LRRC15: variants seen among roughly 807,000 people sequenced by gnomAD.
LRRC15 encodes leucine rich repeat containing 15, also known as leucine-rich repeat-containing protein 15.
In LRRC15, 5 loss-of-function variants were observed where a neutral mutation model predicts 4.3. The observed-to-expected ratio is 1.16, with a 90% CI of 0.61 to 2.44. LRRC15 has a LOEUF of 2.44. LRRC15 is among the 30% of genes most tolerant of loss of function. The probability of loss-of-function intolerance (pLI) is 0.01; values close to 1 mark genes in which losing one functional copy is unlikely to be tolerated. For missense variants in LRRC15, 769 were observed against 747.0 expected (o/e 1.03, Z -0.34); for synonymous variants, 337 against 323.2 (o/e 1.04, Z -0.46).
In LRRC15 at chr3:194,360,498, C is replaced by T; in HGVS notation, c.546G>A (p.Lys182=). ...TGGGTGAGATGTGGGTGAGGCTATT[C>T]TTGCCCAGATTGAGCTTCGTGAGTC... is the stretch of plus-strand genomic sequence containing the variant. ...LVGLTKLNLG[K]NSLTHISPRV... The change falls in exon 2 of 2, where the codon AAG becomes AAA. Residue 182 remains lysine (K), a synonymous_variant. Coordinates refer to ENST00000347624, the MANE Select transcript of LRRC15 (RefSeq NM_130830.5). 2 of 1,614,146 alleles carry T rather than the reference C, an allele frequency of 1.2e-6. No individual in the cohort carries two copies. The highest frequency in any genetic ancestry group is 1.1e-5 in the South Asian group (1 of 91,076).
In LRRC15 at chr3:194,358,354, G is replaced by C. The variant is rs754560258; in HGVS notation, c.*944C>G. 2.0e-5 allele frequency: 3 copies of C among 152,194 alleles called. No individual in the cohort carries two copies. Among genetic ancestry groups the C allele is most frequent in the Non-Finnish European group, 4.4e-5 (3 of 68,058 alleles). The allele number at this position is 152,194 out of a possible 1,614,324, so 9.4% of individuals were successfully genotyped here. On this transcript the variant is annotated 3_prime_UTR_variant, in exon 2 of 2. Coordinates refer to ENST00000347624, the MANE Select transcript of LRRC15 (RefSeq NM_130830.5). ...CTATCATGTTCCCACTTTTCTGCAC[G>C]TACACTTCACATGCTTCAATTAAAA...
At chr3:194,365,466 T>C (rs1251284174) in intron 1 of LRRC15, among the ~76,000 whole-genome samples, 1 of 152,178 alleles carries the variant, frequency 6.6e-6, no homozygotes, top group Non-Finnish European at 1.5e-5. Flanking sequence ...AGACTCCTCC[T>C]TATTTTAATG....
intron 1 of LRRC15, chr3:194,363,246 T>G: frequency 1.8e-6 from 1 of 563,132 alleles, no homozygotes; most frequent in Admixed American, 3.2e-5. Flanking sequence ...GCCAAGACCT[T>G]GATTTTTTTA....
Position 194,360,303 on chromosome 3 carries a change from G to A in LRRC15, c.741C>T (p.Leu247=), listed in dbSNP as rs1298715915. 6.2e-7 allele frequency: 1 copy of A among 1,614,150 alleles called. No homozygotes were observed. Among genetic ancestry groups the A allele is most frequent in the East Asian group, 2.2e-5 (1 of 44,878 alleles). Residue 247 remains leucine (L), a synonymous_variant, in exon 2 of 2, where the codon CTC becomes CTT. Transcript: ENST00000347624. The part of the protein sequence containing the change: ...SPGLFHNNHN[L]QRLYLSNNHI... ...GGTTGTTGGACAGGTAGAGTCTCTG[G>A]AGGTTGTGGTTGTTGTGGAAGAGAC... is the stretch of plus-strand genomic sequence containing the variant.
chr3:194,359,561 T>G lies in LRRC15; in HGVS notation c.1483A>C (p.Ser495Arg). Residue 495 changes from serine (S) to arginine (R), a missense_variant, in exon 2 of 2, where the codon AGT (serine) becomes CGT (arginine). By Grantham distance (110) the Ser-to-Arg change is moderately radical. Coordinates refer to ENST00000347624, the MANE Select transcript of LRRC15 (RefSeq NM_130830.5). ...PETPWYPDTP[S>R]YPDTTSVSST... is the part of the protein sequence containing the mutation. The stretch of plus-strand genomic sequence containing the variant: ...GAGACGGATGTGGTGTCAGGGTAAC[T>G]GGGTGTGTCTGGGTACCATGGTGTT... The G allele has an allele frequency of 6.2e-7, 1 of 1,614,050 alleles. No individual in the cohort carries two copies. Among genetic ancestry groups the G allele is most frequent in the Non-Finnish European group, 8.5e-7 (1 of 1,179,970 alleles).
Position 194,360,021 on chromosome 3 carries a change from C to T in LRRC15, c.1023G>A (p.Thr341=), listed in dbSNP as rs761107806. 2.5e-5 allele frequency: 40 copies of T among 1,614,064 alleles called. No individual in the cohort carries two copies. The highest frequency in any genetic ancestry group is 2.7e-5 in the Non-Finnish European group (32 of 1,180,052). Residue 341 remains threonine (T), a synonymous_variant, in exon 2 of 2, where the codon ACG becomes ACA. Transcript: ENST00000347624. ...FISPGAFNGL[T]ELRELSLHTN... Reference sequence around the variant, plus strand: ...TGTGGAGGGACAGCTCCCGAAGCTCCGTTAGCCCGTTGAAGGCACCCGGGG... The same window carrying T: ...TGTGGAGGGACAGCTCCCGAAGCTCTGTTAGCCCGTTGAAGGCACCCGGGG...
rs764976893 is a variant in LRRC15, at chr3:194,360,441, G to A, written c.603C>T (p.Val201=). 3 of 1,614,204 alleles carry A rather than the reference G, an allele frequency of 1.9e-6. No homozygotes were observed. The highest frequency in any genetic ancestry group is 2.5e-6 in the Non-Finnish European group (3 of 1,180,030). Residue 201 remains valine, a synonymous_variant, in exon 2 of 2, where the codon GTC becomes GTT. Transcript: ENST00000347624. ...RVFQHLGNLQ[V]LRLYENRLTD... ...TGAGCCTGTTCTCATACAGCCGGAG[G>A]ACCTGGAGGTTGCCCAGGTGCTGGA...
rs1027069541 is a variant in LRRC15 at position 194,363,410 on chromosome 3, C to G, written c.-3-2364G>C. ...ATGGGGCCAGGTTATGCTAGGGACA[C>G]ATCTGAAAAAAAGTAAAAACTTATA... On this transcript the variant is annotated intron_variant, in intron 1 of 1. Coordinates refer to ENST00000347624, the MANE Select transcript of LRRC15 (RefSeq NM_130830.5). 12 of 692,832 alleles carry G rather than the reference C, an allele frequency of 1.7e-5. No homozygotes were observed. In the African/African-American group the frequency reaches 2.0e-4, roughly 12 times the overall value. 42.9% of individuals were successfully genotyped at this position (692,832 alleles called of 1,614,324 possible). A position where few individuals can be genotyped will look rare whatever the true frequency, so the allele number is the denominator to read the frequency against.
rs552815580 is a variant in LRRC15 at position 194,359,959 on chromosome 3, C to A, written c.1085G>T (p.Arg362Leu). 2 of 1,614,028 alleles carry A rather than the reference C, an allele frequency of 1.2e-6. No homozygotes were observed. The highest frequency in any genetic ancestry group is 1.7e-6 in the Non-Finnish European group (2 of 1,180,032). Residue 362 changes from arginine to leucine, a missense_variant, in exon 2 of 2, where the codon CGC (arginine) becomes CTC (leucine). Arg to Leu is a moderately radical substitution (Grantham distance 102). Transcript: ENST00000347624. ...GATGTTCTGCAGGTTGGCCAACATG[C>A]GGAAGACGTTCCCGTCCAGGTCCTG... ...ALQDLDGNVF[R>L]MLANLQNISL...
chr3:194,360,362 G>A lies in LRRC15; in HGVS notation c.682C>T (p.Leu228=), dbSNP rs763975998. 8 of 1,614,066 alleles carry A rather than the reference G, an allele frequency of 5.0e-6. No homozygotes were observed. Among genetic ancestry groups the A allele is most frequent in the Non-Finnish European group, 6.8e-6 (8 of 1,180,044 alleles). Residue 228 remains leucine, a synonymous_variant, in exon 2 of 2, where the codon CTG becomes TTG. Coordinates refer to ENST00000347624, the MANE Select transcript of LRRC15 (RefSeq NM_130830.5). ...AGCAGTCCAATCTGGTTCTGCTGCA[G>A]AGCCAGTTCCTGCAGGTTAACAAGC... The part of the protein sequence containing the change: ...DGLVNLQELA[L]QQNQIGLLSP...
At chr3:194,369,191 T>C (rs1423660311) in intron 1 of LRRC15, among the ~76,000 whole-genome samples, 2 of 152,214 alleles carry the variant, frequency 1.3e-5, no homozygotes, top group Non-Finnish European at 2.9e-5. Context: ...CAGAACCAAA[T>C]GCGGGGCAGA....
intron 1 of LRRC15, among the ~76,000 whole-genome samples, chr3:194,368,159 C>T (rs1713833671): frequency 6.6e-6 from 1 of 152,200 alleles, no homozygotes; most frequent in African/African-American, 2.4e-5. Flanking sequence ...CCAAGACAGG[C>T]CATAAATCTG....
Position 194,355,836 on chromosome 3 carries a change from C to G in LRRC15, c.*3462G>C, listed in dbSNP as rs1177309380. On this transcript the variant is annotated 3_prime_UTR_variant, in exon 2 of 2. Coordinates refer to ENST00000347624, the MANE Select transcript of LRRC15 (RefSeq NM_130830.5). The stretch of plus-strand genomic sequence containing the variant: ...TCCATGAAAAGTTCTAAGTAGAACT[C>G]TTGTATCTCTAAATTCTAAGGAGGA... 6.6e-6 allele frequency: 1 copy of G among 152,204 alleles called. No individual in the cohort carries two copies. The highest frequency in any genetic ancestry group is 2.4e-5 in the African/African-American group (1 of 41,464). 9.4% of individuals were successfully genotyped at this position (152,204 alleles called of 1,614,324 possible). A position where few individuals can be genotyped will look rare whatever the true frequency, so the allele number is the denominator to read the frequency against.
At chr3:194,363,101 T>G (rs555386024) in intron 1 of LRRC15, among the ~76,000 whole-genome samples, 2 of 152,188 alleles carry the variant, frequency 1.3e-5, no homozygotes, top group South Asian at 4.2e-4. Flanking sequence ...CCACCATGCC[T>G]GGCTAACTTT....
Position 194,360,924 on chromosome 3 carries a change from G to C in LRRC15, c.120C>G (p.Thr40=), listed in dbSNP as rs150516020. The C allele has an allele frequency of 9.1e-5, 146 of 1,598,568 alleles. 1 individual carries two copies. In the Admixed American group the frequency reaches 2.4e-3, roughly 26 times the overall value. The change falls in exon 2 of 2, where the codon ACC becomes ACG. Residue 40 remains threonine, a synonymous_variant. Transcript: ENST00000347624. The part of the protein sequence containing the change: ...TCSRASQVEC[T]GARIVAVPTP... ...TGGGCACTGCCACAATGCGTGCCCC[G>C]GTGCACTCCACCTGGGAGGCCCTGG...
intron 1 of LRRC15, among the ~76,000 whole-genome samples, chr3:194,361,694 T>C (rs1489955739): frequency 6.6e-6 from 1 of 152,108 alleles, no homozygotes; most frequent in African/African-American, 2.4e-5. Context: ...GCGGCAGAGT[T>C]AGGACCACAG....
chr3:194,367,410 C>G (rs1713812342), intron 1 of LRRC15, among the ~76,000 whole-genome samples: 1 of 152,172 alleles, frequency 6.6e-6, no homozygotes, highest in African/African-American at 2.4e-5. Context: ...GGGTTCACAC[C>G]ACTCTCCTGC....
At chr3:194,368,780 G>A (rs1713854021) in intron 1 of LRRC15, among the ~76,000 whole-genome samples, 5 of 152,204 alleles carry the variant, frequency 3.3e-5, no homozygotes, top group Admixed American at 3.3e-4. Context: ...TGGCAGGGGT[G>A]GGAGAGTCCT....
chr3:194,369,001 A>G (rs570870775), intron 1 of LRRC15, among the ~76,000 whole-genome samples: 5 of 152,344 alleles, frequency 3.3e-5, no homozygotes, highest in African/African-American at 9.6e-5. Flanking sequence ...CTGCCAGCAT[A>G]GTGTCCCCTA....
Sources: gnomAD v4.1 joint callset for allele counts (sites outside exome capture counted in the v4.1 genomes callset) on GRCh38, gnomAD v4.1.1 for gene constraint, MANE v1.5 for transcripts, NCBI Gene and HGNC (gene_info 2026-07-23, HGNC 2026-07-21) for gene names.